APBA1: variants seen among roughly 807,000 people sequenced by gnomAD.
APBA1 encodes the protein amyloid-beta A4 precursor protein-binding family A member 1.
Under a neutral mutation model 86.6 loss-of-function variants are expected in APBA1, and 55 were observed. The observed-to-expected ratio is 0.64, with a 90% CI of 0.51 to 0.80. The LOEUF is 0.80. APBA1 is among the 30% of genes least tolerant of loss of function. The probability of loss-of-function intolerance (pLI) is 0.00; values close to 1 mark genes in which losing one functional copy is unlikely to be tolerated. For missense variants in APBA1, 1,090 were observed against 1,183.0 expected, an observed-to-expected ratio of 0.92 and a Z score of 1.15; for synonymous variants, 511 against 493.9, an observed-to-expected ratio of 1.03 and a Z score of -0.46.
rs748081357 is a variant in APBA1, at chr9:69,516,628, C to G, written c.583G>C (p.Glu195Gln). 1 of 1,607,946 alleles carries G rather than the reference C, an allele frequency of 6.2e-7. No individual in the cohort carries two copies. Among genetic ancestry groups the G allele is most frequent in the Admixed American group, 1.7e-5 (1 of 59,916 alleles). The change falls in exon 2 of 13, where the codon GAG (glutamate) becomes CAG (glutamine). Residue 195 changes from glutamate to glutamine, a missense_variant. Physicochemically the swap from Glu to Gln is conservative, Grantham distance 29 (BLOSUM62 2). Transcript: ENST00000265381. This position sits in a 1 kb window ranked among gnomAD's most constrained non-coding sequence, Gnocchi z 7.3. ...EPYADYGGLQ[E>Q]HVYEEIGDAP... ...TCCCCTATCTCCTCGTACACGTGCT[C>G]CTGGAGGCCGCCGTAGTCGGCATAG...
At chr9:69,484,221 TC>T (rs1467420272) in intron 2 of APBA1, among the ~76,000 whole-genome samples, 1 of 152,124 alleles carries the variant, frequency 6.6e-6, no homozygotes, top group African/African-American at 2.4e-5. Context: ...AAAAATAAAT[TC>T]TTTACAACAT....
At position 69,525,861 on chromosome 9, in the gene APBA1, A is replaced by T. The variant is rs1374654552; in HGVS notation, c.-69-8582T>A. On this transcript the variant is annotated intron_variant, in intron 1 of 12. Coordinates refer to ENST00000265381, the MANE Select transcript of APBA1 (RefSeq NM_001163.4). ...CCAAAACATCATGGTACTTGTACAA[A>T]AACAGACACATAGAGGAATGGAACA... 4.6e-5 allele frequency among the ~76,000 whole-genome samples: 7 copies of T among 152,176 alleles called. No homozygotes were observed. In the East Asian group the frequency reaches 1.3e-3, roughly 29 times the overall value.
chr9:69,489,202 G>A (rs1835661727), intron 2 of APBA1, among the ~76,000 whole-genome samples: 1 of 152,084 alleles, frequency 6.6e-6, no homozygotes, highest in South Asian at 2.1e-4. Flanking sequence ...CAAAGCTGGA[G>A]GCATCACACT....
intron 10 of APBA1, among the ~76,000 whole-genome samples, chr9:69,448,748 CA>C (rs111622973): frequency 2.4e-4 from 37 of 152,204 alleles, no homozygotes; most frequent in African/African-American, 7.2e-4. Context: ...TACAGGACCC[CA>C]AAAAACGCTG....
chr9:69,572,648 C>G (rs531693696), intron 1 of APBA1, among the ~76,000 whole-genome samples: 1 of 152,284 alleles, frequency 6.6e-6, no homozygotes, highest in East Asian at 1.9e-4. Context: ...CTTTGGGAGT[C>G]CTGGAGCCCC....
chr9:69,517,423 C>G, intron 1 of APBA1, 144 bp from the exon 2 acceptor site: 2 of 762,054 alleles, frequency 2.6e-6, no homozygotes, highest in Non-Finnish European at 3.7e-6. Context: ...TAAGTTCAAT[C>G]TGACAGCACA....
At chr9:69,634,425 T>C (rs1352208611) in intron 1 of APBA1, among the ~76,000 whole-genome samples, 1 of 152,160 alleles carries the variant, frequency 6.6e-6, no homozygotes, top group Non-Finnish European at 1.5e-5. Context: ...ATTAAAGTGT[T>C]CTGAGGTCCT....
chr9:69,554,754 C>T (rs952293842), intron 1 of APBA1, among the ~76,000 whole-genome samples: 1 of 150,498 alleles, frequency 6.6e-6, no homozygotes, highest in African/African-American at 2.4e-5. Context: ...TAAGCACACA[C>T]TTTAAAAATA....
intron 1 of APBA1, among the ~76,000 whole-genome samples, chr9:69,525,564 C>T (rs532900082): frequency 2.4e-4 from 37 of 151,544 alleles, no homozygotes; most frequent in Non-Finnish European, 4.1e-4. Flanking sequence ...AACTATAAGA[C>T]ACTGCTAAAA....
chr9:69,553,867 T>G (rs1836823813), intron 1 of APBA1, among the ~76,000 whole-genome samples: 1 of 152,242 alleles, frequency 6.6e-6, no homozygotes, highest in Non-Finnish European at 1.5e-5. Flanking sequence ...TATATTTGGT[T>G]CAGCGTGGTG....
At chr9:69,535,501 G>T (rs1267150146) in intron 1 of APBA1, among the ~76,000 whole-genome samples, 1 of 152,066 alleles carries the variant, frequency 6.6e-6, no homozygotes, top group Non-Finnish European at 1.5e-5. Context: ...CTGTGCACTT[G>T]GTAGGCCACT....
rs966526763 is a variant in APBA1, at chr9:69,634,421, G to C, written c.-70+37732C>G. On this transcript the variant is annotated intron_variant, in intron 1 of 12. Transcript: ENST00000265381. ...GCAAGTCTTGCCACTGCGGATTAAA[G>C]TGTTCTGAGGTCCTAAATAAACTTG... 3.3e-5 allele frequency among the ~76,000 whole-genome samples: 5 copies of C among 152,278 alleles called. No individual in the cohort carries two copies. The South Asian group carries it at 6.2e-4, about 19-fold the overall frequency.
At chr9:69,584,360 C>G (rs751562902) in intron 1 of APBA1, among the ~76,000 whole-genome samples, 2 of 152,114 alleles carry the variant, frequency 1.3e-5, no homozygotes, top group Non-Finnish European at 2.9e-5. Context: ...CTCATTTTAT[C>G]CTCACATTAA....
chr9:69,617,575 C>A (rs1480663963), intron 1 of APBA1, among the ~76,000 whole-genome samples: 1 of 151,978 alleles, frequency 6.6e-6, no homozygotes, highest in Admixed American at 6.6e-5. Flanking sequence ...AAATTCACCC[C>A]AGATCATGAT....
At chr9:69,533,503 A>G (rs1342929998) in intron 1 of APBA1, among the ~76,000 whole-genome samples, 2 of 152,166 alleles carry the variant, frequency 1.3e-5, no homozygotes, top group African/African-American at 4.8e-5. Flanking sequence ...TGATGAGCTG[A>G]ATCCCTGCAA....
At chr9:69,489,210 A>G (rs1449618398) in intron 2 of APBA1, among the ~76,000 whole-genome samples, 1 of 152,084 alleles carries the variant, frequency 6.6e-6, no homozygotes, top group Non-Finnish European at 1.5e-5. Context: ...GAGGCATCAC[A>G]CTACCTGAAT....
intron 1 of APBA1, among the ~76,000 whole-genome samples, chr9:69,536,049 T>G (rs958225803): frequency 2.9e-4 from 32 of 108,518 alleles, no homozygotes; most frequent in South Asian, 5.0e-4. Flanking sequence ...GTTTTTTGTT[T>G]TTTTTTTTTT....
Position 69,558,559 on chromosome 9 carries a change from C to CAT in APBA1, c.-69-41281_-69-41280insAT, listed in dbSNP as rs1410749367. Among the ~76,000 whole-genome samples the CAT allele has an allele frequency of 4.2e-3, 583 of 137,528 alleles. 1 individual carries two copies. Among genetic ancestry groups the CAT allele is most frequent in the African/African-American group, 0.016 (554 of 34,340 alleles). The allele number at this position is 137,528 out of a possible 152,430, so 90.2% of individuals were successfully genotyped here. On this transcript the variant is annotated intron_variant, in intron 1 of 12. Coordinates refer to ENST00000265381, the MANE Select transcript of APBA1 (RefSeq NM_001163.4). ...ACACACACACATACACACACACACA[C>CAT]ACATATATATATATATATATATACA...
chr9:69,652,113 G>A (rs1410452801), intron 1 of APBA1, among the ~76,000 whole-genome samples: 1 of 152,206 alleles, frequency 6.6e-6, no homozygotes, highest in Admixed American at 6.5e-5. Context: ...AAGGCTTCAG[G>A]AGAAACCAGA....
Sources: allele counts gnomAD v4.1 joint callset (sites outside exome capture counted in the v4.1 genomes callset), GRCh38; gene constraint gnomAD v4.1.1; non-coding constraint Gnocchi (gnomAD v3.1); transcripts MANE v1.5; gene names NCBI Gene and HGNC (gene_info 2026-07-23, HGNC 2026-07-21).